The following NRG3 variants were observed in gnomAD, a reference collection of about 807,000 sequenced individuals.
NRG3 encodes neuregulin 3.
Under a neutral mutation model 66.9 loss-of-function variants are expected in NRG3, and 31 were observed. The observed-to-expected ratio is 0.46, with a 90% confidence interval of 0.35 to 0.63. The LOEUF is 0.63. Among genes scored for constraint, NRG3 ranks in the 20% least tolerant of loss-of-function variants. NRG3 has a pLI of 0.00. For missense variants in NRG3, 910 were observed against 878.9 expected (o/e 1.04, Z -0.45); for synonymous variants, 393 against 359.4 (o/e 1.09, Z -1.06).
Position 82,690,722 on chromosome 10 carries a change from C to A in NRG3, c.954-47855C>A, listed in dbSNP as rs1319669424. On this transcript the variant is annotated intron_variant, in intron 2 of 8. Coordinates refer to ENST00000372141, the MANE Select transcript of NRG3 (RefSeq NM_001010848.4). ...ACCATTTGGAGAGATTTACATCAATCCAGAACAAAAATTACTCACTTTACC... is the reference window on the plus strand; with the variant it reads ...ACCATTTGGAGAGATTTACATCAATACAGAACAAAAATTACTCACTTTACC... Among the ~76,000 whole-genome samples, 3 of 152,158 alleles carry A rather than the reference C, an allele frequency of 2.0e-5. No individual in the cohort carries two copies. In the South Asian group the frequency reaches 6.2e-4, roughly 32 times the overall value.
chr10:82,745,138 G>A (rs1463995322), intron 3 of NRG3, among the ~76,000 whole-genome samples: 2 of 152,164 alleles, frequency 1.3e-5, no homozygotes, highest in Non-Finnish European at 2.9e-5. Flanking sequence ...AAAGTGGAAG[G>A]AGAGATCTGG....
chr10:82,919,378 T>C (rs1290892634), intron 4 of NRG3, among the ~76,000 whole-genome samples: 1 of 152,090 alleles, frequency 6.6e-6, no homozygotes, highest in African/African-American at 2.4e-5. Flanking sequence ...ATTAATGTTT[T>C]TCTGAAATTT....
chr10:82,039,668 T>A (rs2062945491), intron 1 of NRG3, among the ~76,000 whole-genome samples: 1 of 152,142 alleles, frequency 6.6e-6, no homozygotes, highest in South Asian at 2.1e-4. Flanking sequence ...ATCAGCTCCC[T>A]TGAGATAAAA....
chr10:82,825,040 CAG>C (rs2062135694), intron 3 of NRG3, among the ~76,000 whole-genome samples: 1 of 152,216 alleles, frequency 6.6e-6, no homozygotes, highest in African/African-American at 2.4e-5. Flanking sequence ...ATTGAGTTGT[CAG>C]AGTTCTTTAT....
intron 8 of NRG3, 39 bp from the exon 9 acceptor site, chr10:82,985,059 G>GAA (rs2132705199): frequency 6.3e-7 from 1 of 1,595,068 alleles, no homozygotes; most frequent in Admixed American, 1.7e-5. Flanking sequence ...ACAAAGCCTG[G>GAA]TAGAAAGCAG....
At chr10:82,959,116 C>A in intron 6 of NRG3, 41 bp downstream of exon 6, 1 of 1,526,238 alleles carries the variant, frequency 6.6e-7, no homozygotes, top group Non-Finnish European at 8.8e-7. Flanking sequence ...TAGCCTACCT[C>A]AGTGCTTCCA....
intron 1 of NRG3, among the ~76,000 whole-genome samples, chr10:82,128,594 A>C (rs1306752986): frequency 2.0e-5 from 3 of 152,058 alleles, no homozygotes; most frequent in South Asian, 4.1e-4. Flanking sequence ...TTTGCAGAGA[A>C]CATTAAATAT....
intron 4 of NRG3, among the ~76,000 whole-genome samples, chr10:82,885,687 T>C (rs556758704): frequency 3.9e-4 from 60 of 152,240 alleles, no homozygotes; most frequent in African/African-American, 1.4e-3. Flanking sequence ...TATTGAAGAA[T>C]TGTAGGCCAT....
chr10:82,116,610 A>G (rs191368294), intron 1 of NRG3, among the ~76,000 whole-genome samples: 1 of 152,220 alleles, frequency 6.6e-6, no homozygotes, highest in Admixed American at 6.5e-5. Context: ...TATATTTTTT[A>G]TTTCAAATGT....
chr10:82,049,367 C>G (rs1228322157), intron 1 of NRG3, among the ~76,000 whole-genome samples: 2 of 152,038 alleles, frequency 1.3e-5, no homozygotes, highest in African/African-American at 4.8e-5. Context: ...TAACACTCCT[C>G]ATATATTGCT....
At chr10:82,289,134 G>A (rs2079581984) in intron 1 of NRG3, among the ~76,000 whole-genome samples, 1 of 152,170 alleles carries the variant, frequency 6.6e-6, no homozygotes, top group African/African-American at 2.4e-5. Context: ...AGGGAGGGTA[G>A]GACATTGACT....
chr10:82,838,116 T>G (rs1442952635), intron 3 of NRG3, among the ~76,000 whole-genome samples: 1 of 152,084 alleles, frequency 6.6e-6, no homozygotes, highest in Non-Finnish European at 1.5e-5. Flanking sequence ...TTTGGAGGAG[T>G]AACTTTGGTC....
intron 3 of NRG3, among the ~76,000 whole-genome samples, chr10:82,786,232 C>A (rs1458194095): frequency 3.3e-5 from 5 of 152,190 alleles, no homozygotes; most frequent in Non-Finnish European, 7.3e-5. Context: ...CCATAAGACT[C>A]TAACCCATTA....
At chr10:82,515,001 A>G (rs911060892) in intron 2 of NRG3, among the ~76,000 whole-genome samples, 1 of 152,172 alleles carries the variant, frequency 6.6e-6, no homozygotes, top group Non-Finnish European at 1.5e-5. Flanking sequence ...AGATAATAAT[A>G]CAAGCTTCCA....
Position 82,315,863 on chromosome 10 carries a change from A to G in NRG3, c.824-42876A>G. Among the ~76,000 whole-genome samples the G allele has an allele frequency of 1.3e-5, 2 of 151,996 alleles. 1 individual carries two copies. Among genetic ancestry groups the G allele is most frequent in the African/African-American group, 4.8e-5 (2 of 41,372 alleles). On this transcript the variant is annotated intron_variant, in intron 1 of 8. Transcript: ENST00000372141. ...ATATTTTTAGTAGAGACAGGGTTTC[A>G]CCATGTGGCCAGGCTGGTCTTGAAC...
intron 2 of NRG3, among the ~76,000 whole-genome samples, chr10:82,697,570 T>C (rs887872815): frequency 9.2e-5 from 14 of 152,192 alleles, no homozygotes; most frequent in African/African-American, 3.1e-4. Flanking sequence ...TGTCAGTAGA[T>C]TGTCTAAAAT....
chr10:82,577,089 A>C (rs1329276737), intron 2 of NRG3, among the ~76,000 whole-genome samples: 1 of 151,844 alleles, frequency 6.6e-6, no homozygotes, highest in Admixed American at 6.6e-5. Context: ...TTGTGACTAA[A>C]TGCTGCATTC....
chr10:82,305,738 C>T (rs764656986), intron 1 of NRG3, among the ~76,000 whole-genome samples: 1 of 152,060 alleles, frequency 6.6e-6, no homozygotes, highest in Non-Finnish European at 1.5e-5. Context: ...TCATTATATA[C>T]AGTAATTTTT....
At chr10:82,321,875 G>C (rs143315730) in intron 1 of NRG3, among the ~76,000 whole-genome samples, 2 of 152,208 alleles carry the variant, frequency 1.3e-5, no homozygotes, top group Non-Finnish European at 2.9e-5. Context: ...TTGTATTCTT[G>C]TTGGGCAGTC....
Sources: gnomAD v4.1 joint callset for allele counts (sites outside exome capture counted in the v4.1 genomes callset) on GRCh38, gnomAD v4.1.1 for gene constraint, MANE v1.5 for transcripts, NCBI Gene and HGNC (gene_info 2026-07-23, HGNC 2026-07-21) for gene names.